Variants in DNAL1 observed in about 807,000 individuals in gnomAD.
The protein encoded by DNAL1 is chromosome 14 open reading frame 168.
In DNAL1, 17 loss-of-function variants were observed where a neutral mutation model predicts 29.4. The ratio of observed to expected loss-of-function variants is 0.58; its 90% CI spans 0.40 to 0.87. The LOEUF is 0.87. DNAL1 is among the 40% of genes least tolerant of loss of function. The probability of loss-of-function intolerance (pLI) is 0.00; values close to 1 mark genes in which losing one functional copy is unlikely to be tolerated. For missense variants in DNAL1, 188 were observed against 214.1 expected, an observed-to-expected ratio of 0.88 and a Z score of 0.76; for synonymous variants, 78 against 76.3, an observed-to-expected ratio of 1.02 and a Z score of -0.12.
intron 5 of DNAL1, among the ~76,000 whole-genome samples, chr14:73,673,814 C>CT (rs1891667311): frequency 6.6e-6 from 1 of 151,056 alleles, no homozygotes; most frequent in African/African-American, 2.4e-5. Flanking sequence ...GGATTGATTG[C>CT]TTGAGCCTAG....
Position 73,702,678 on chromosome 14 carries a change from G to C in DNAL1, c.*6736G>C, listed in dbSNP as rs539891820. 5.9e-5 allele frequency: 9 copies of C among 152,280 alleles called. No individual in the cohort carries two copies. Among genetic ancestry groups the C allele is most frequent in the African/African-American group, 1.9e-4 (8 of 41,568 alleles). 9.4% of individuals were successfully genotyped at this position (152,280 alleles called of 1,614,324 possible). ...TGAATTGAGAAAAAGGAATCACCAA[G>C]CAATATCCGTAACATTACACATTTT... On this transcript the variant is annotated 3_prime_UTR_variant, in exon 8 of 8. Transcript: ENST00000553645.
In DNAL1 at chr14:73,672,607, CAAAAAA is replaced by C. The variant is rs35746041; in HGVS notation, c.264+1024_264+1029del. 1.5e-4 allele frequency among the ~76,000 whole-genome samples: 11 copies of C among 75,262 alleles called. No homozygotes were observed. The East Asian group carries it at 4.2e-3, about 29-fold the overall frequency. 49.4% of individuals were successfully genotyped at this position (75,262 alleles called of 152,430 possible). On this transcript the variant is annotated intron_variant, in intron 5 of 7. Transcript: ENST00000553645. Reference sequence around the variant, plus strand: ...TGGGTGACAGAGCGAGACTCTGTCTCAAAAAAAAAAAAAAAAAAAGAAATTCTTAAG... The same window carrying C: ...TGGGTGACAGAGCGAGACTCTGTCTCAAAAAAAAAAAAAGAAATTCTTAAG...
chr14:73,661,269 G>A (rs1891350248), intron 3 of DNAL1, among the ~76,000 whole-genome samples: 1 of 152,114 alleles, frequency 6.6e-6, no homozygotes, highest in Non-Finnish European at 1.5e-5. Flanking sequence ...TTTAGTGGCA[G>A]CTTAGTATTT....
intron 5 of DNAL1, among the ~76,000 whole-genome samples, chr14:73,680,119 G>A (rs554807544): frequency 4.7e-4 from 72 of 151,894 alleles, no homozygotes; most frequent in African/African-American, 1.7e-3. Context: ...CAAAATATTT[G>A]TGGGCATTTA....
At chr14:73,671,510 G>A in intron 4 of DNAL1, 32 bp from the exon 5 acceptor site, 1 of 1,421,328 alleles carries the variant, frequency 7.0e-7, no homozygotes, top group Non-Finnish European at 9.3e-7. Flanking sequence ...TATGATTCTA[G>A]TAAACAAAAA....
chr14:73,672,983 C>T (rs559022946), intron 5 of DNAL1: 1 of 152,034 alleles, frequency 6.6e-6, no homozygotes, highest in South Asian at 2.1e-4. Context: ...TGGTCTCGAT[C>T]TCCTGACCTC....
At chr14:73,657,878 C>A (rs1053059752) in intron 2 of DNAL1, among the ~76,000 whole-genome samples, 2 of 152,204 alleles carry the variant, frequency 1.3e-5, no homozygotes, top group Non-Finnish European at 2.9e-5. Flanking sequence ...TACAGGCGTG[C>A]ACCACTACGC....
intron 1 of DNAL1, 62 bp downstream of exon 1, chr14:73,645,104 C>T (rs1890948726): frequency 1.9e-6 from 3 of 1,587,822 alleles, no homozygotes; most frequent in Non-Finnish European, 2.6e-6. Flanking sequence ...AAAAGGGTGA[C>T]TGTGGAGTGT....
chr14:73,661,248 A>G (rs560302923), intron 3 of DNAL1, among the ~76,000 whole-genome samples: 17 of 152,256 alleles, frequency 1.1e-4, no homozygotes, highest in African/African-American at 3.6e-4. Context: ...CTGTAGCCCT[A>G]TCTCCTTTGT....
At chr14:73,684,461 A>G (rs1219934049) in intron 5 of DNAL1, among the ~76,000 whole-genome samples, 2 of 152,200 alleles carry the variant, frequency 1.3e-5, no homozygotes, top group African/African-American at 4.8e-5. Context: ...TATACTTAAC[A>G]TGTAATCAAC....
chr14:73,656,898 TG>T (rs1891230040), intron 2 of DNAL1, among the ~76,000 whole-genome samples: 1 of 152,034 alleles, frequency 6.6e-6, no homozygotes, highest in Non-Finnish European at 1.5e-5. Context: ...TACAACTGAT[TG>T]TATATTTTCT....
rs919188574 is a variant in DNAL1 at position 73,702,987 on chromosome 14, A to G, written c.*7045A>G. ...AAAAAAAAATTAGTTGGGCATGGCAATGCCGCCTGTGGTCCTAGCTACTGG... is the reference window on the plus strand; with the variant it reads ...AAAAAAAAATTAGTTGGGCATGGCAGTGCCGCCTGTGGTCCTAGCTACTGG... On this transcript the variant is annotated 3_prime_UTR_variant, in exon 8 of 8. Coordinates refer to ENST00000553645, the MANE Select transcript of DNAL1 (RefSeq NM_031427.4). 22 of 152,070 alleles carry G rather than the reference A, an allele frequency of 1.4e-4. No individual in the cohort carries two copies. Among genetic ancestry groups the G allele is most frequent in the Non-Finnish European group, 2.4e-4 (16 of 68,040 alleles). The allele number at this position is 152,070 out of a possible 1,614,324, so 9.4% of individuals were successfully genotyped here.
chr14:73,689,030 T>G (rs1029009231), intron 6 of DNAL1, among the ~76,000 whole-genome samples: 23,681 of 123,032 alleles, frequency 0.19, 2,070 homozygotes, highest in Non-Finnish European at 0.28. Flanking sequence ...CTTGCTGTTT[T>G]TTTTTTTTTT....
rs189085126 is a variant in DNAL1, at chr14:73,666,933, C to T, written c.209-4609C>T. On this transcript the variant is annotated intron_variant, in intron 4 of 7. Transcript: ENST00000553645. ...CATAACCTTTAAATATTTCAAGTCCCCACGACTCAGTTCTTGTATCCCTTC... is the reference window on the plus strand; with the variant it reads ...CATAACCTTTAAATATTTCAAGTCCTCACGACTCAGTTCTTGTATCCCTTC... 3.7e-4 allele frequency among the ~76,000 whole-genome samples: 56 copies of T among 151,930 alleles called. 1 individual carries two copies. Among genetic ancestry groups the T allele is most frequent in the Admixed American group, 3.7e-3 (56 of 15,210 alleles).
intron 5 of DNAL1, among the ~76,000 whole-genome samples, chr14:73,684,418 T>G (rs1891962808): frequency 6.6e-6 from 1 of 152,212 alleles, no homozygotes; most frequent in African/African-American, 2.4e-5. Context: ...CCTTCCTGTT[T>G]ATATTAAATA....
intron 5 of DNAL1, among the ~76,000 whole-genome samples, chr14:73,679,640 T>G (rs1226778915): frequency 2.6e-5 from 4 of 152,208 alleles, no homozygotes; most frequent in Non-Finnish European, 5.9e-5. Flanking sequence ...TTTTCAAAAC[T>G]GATATATTTT....
Position 73,701,292 on chromosome 14 carries a change from C to G in DNAL1, c.*5350C>G, listed in dbSNP as rs751281375. The G allele has an allele frequency of 1.3e-5, 2 of 152,184 alleles. No homozygotes were observed. The highest frequency in any genetic ancestry group is 2.4e-5 in the African/African-American group (1 of 41,426). The allele number at this position is 152,184 out of a possible 1,614,324, so 9.4% of individuals were successfully genotyped here. On this transcript the variant is annotated 3_prime_UTR_variant, in exon 8 of 8. Coordinates refer to ENST00000553645, the MANE Select transcript of DNAL1 (RefSeq NM_031427.4). ...ACTGGATGTTGGTGGAAAGGACTTCCATAGGGCAGATGGGTAAATATCTAG... is the reference window on the plus strand; with the variant it reads ...ACTGGATGTTGGTGGAAAGGACTTCGATAGGGCAGATGGGTAAATATCTAG...
At chr14:73,655,929 G>C (rs1891207916) in intron 2 of DNAL1, among the ~76,000 whole-genome samples, 1 of 152,138 alleles carries the variant, frequency 6.6e-6, no homozygotes, top group Admixed American at 6.6e-5. Flanking sequence ...AGTTTGAACA[G>C]TTACAATTCA....
At position 73,701,397 on chromosome 14, in the gene DNAL1, T is replaced by A. The variant is rs1892433302; in HGVS notation, c.*5455T>A. The A allele has an allele frequency of 6.6e-6, 1 of 152,252 alleles. No homozygotes were observed. The highest frequency in any genetic ancestry group is 2.4e-5 in the African/African-American group (1 of 41,456). The allele number at this position is 152,252 out of a possible 1,614,324, so 9.4% of individuals were successfully genotyped here. Reference sequence around the variant, plus strand: ...ATGAGTAGTTAACTGTCTTTTGACATAATCAGAGTCAGGATTTCCCTTTTT... The same window carrying A: ...ATGAGTAGTTAACTGTCTTTTGACAAAATCAGAGTCAGGATTTCCCTTTTT... On this transcript the variant is annotated 3_prime_UTR_variant, in exon 8 of 8. Coordinates refer to ENST00000553645, the MANE Select transcript of DNAL1 (RefSeq NM_031427.4).
Sources: gnomAD v4.1 joint callset for allele counts (sites outside exome capture counted in the v4.1 genomes callset) on GRCh38, gnomAD v4.1.1 for gene constraint, MANE v1.5 for transcripts, NCBI Gene and HGNC (gene_info 2026-07-23, HGNC 2026-07-21) for gene names.